The following PTPN2 variants were observed in gnomAD, a reference collection of about 807,000 sequenced individuals.
PTPN2 encodes protein tyrosine phosphatase non-receptor type 2, also known as tyrosine-protein phosphatase non-receptor type 2.
Under a neutral mutation model 57.3 loss-of-function variants are expected in PTPN2, and 19 were observed. The ratio of observed to expected loss-of-function variants is 0.33; its 90% confidence interval spans 0.23 to 0.49. PTPN2 has a LOEUF of 0.49. PTPN2 is among the 20% of genes least tolerant of loss of function. PTPN2 has a pLI of 0.99. For missense variants in PTPN2, 358 were observed against 501.1 expected (o/e 0.71, Z 2.73); for synonymous variants, 153 against 164.9 (o/e 0.93, Z 0.55).
chr18:12,867,633 TCA>T (rs2044039570), intron 1 of PTPN2, among the ~76,000 whole-genome samples: 1 of 150,830 alleles, frequency 6.6e-6, no homozygotes, highest in African/African-American at 2.4e-5. Flanking sequence ...GAGTTTCGCT[TCA>T]GTCTCCTCTG....
At chr18:12,842,094 C>A (rs556850886) in intron 2 of PTPN2, among the ~76,000 whole-genome samples, 2 of 152,014 alleles carry the variant, frequency 1.3e-5, no homozygotes, top group African/African-American at 4.8e-5. Flanking sequence ...TTAGCAGAGA[C>A]GGGGTTTCTC....
At chr18:12,851,973 A>G (rs2145446496) in intron 2 of PTPN2, among the ~76,000 whole-genome samples, 1 of 152,204 alleles carries the variant, frequency 6.6e-6, no homozygotes, top group Non-Finnish European at 1.5e-5. Context: ...ATGATTACAC[A>G]TATATTTAGT....
At chr18:12,810,364 CA>C (rs372346816) in intron 7 of PTPN2, among the ~76,000 whole-genome samples, 14 of 145,648 alleles carry the variant, frequency 9.6e-5, no homozygotes, top group African/African-American at 2.0e-4. Flanking sequence ...AACTCTGTTT[CA>C]AAAAAAAAAG....
chr18:12,877,001 A>G (rs914725948), intron 1 of PTPN2, among the ~76,000 whole-genome samples: 3 of 152,234 alleles, frequency 2.0e-5, no homozygotes, highest in African/African-American at 7.2e-5. Context: ...TGCTGAAACG[A>G]GAATCAGAAG....
chr18:12,874,352 C>T (rs1233756189), intron 1 of PTPN2, among the ~76,000 whole-genome samples: 2 of 130,582 alleles, frequency 1.5e-5, no homozygotes, highest in Non-Finnish European at 3.1e-5. Context: ...AGGTGAGGGG[C>T]GCCTCTGCCC....
At chr18:12,861,051 G>A (rs752575942) in intron 1 of PTPN2, among the ~76,000 whole-genome samples, 2 of 152,008 alleles carry the variant, frequency 1.3e-5, no homozygotes, top group Non-Finnish European at 2.9e-5. Context: ...TTTTGCCCAG[G>A]CTGTTCTCGA....
At chr18:12,873,868 G>A (rs1427606220) in intron 1 of PTPN2, among the ~76,000 whole-genome samples, 1 of 150,684 alleles carries the variant, frequency 6.6e-6, no homozygotes, top group Non-Finnish European at 1.5e-5. Context: ...GCTGCCCATC[G>A]TCTGAGATGT....
intron 8 of PTPN2, among the ~76,000 whole-genome samples, chr18:12,795,379 C>T (rs1427243296): frequency 2.0e-5 from 3 of 152,128 alleles, no homozygotes; most frequent in African/African-American, 4.8e-5. Flanking sequence ...CTGCAACCCC[C>T]GCCTTCCGGG....
At chr18:12,787,716 C>T (rs1209097958), downstream of PTPN2, 1 of 152,084 alleles carries the variant, frequency 6.6e-6, no homozygotes, top group East Asian at 1.9e-4. Context: ...CAAATGGGCT[C>T]CATTTTAGAA....
intron 2 of PTPN2, among the ~76,000 whole-genome samples, chr18:12,853,291 A>T (rs771267108): frequency 2.6e-5 from 4 of 152,134 alleles, no homozygotes; most frequent in Non-Finnish European, 4.4e-5. Flanking sequence ...CTGGGACTAC[A>T]GGCATGCATC....
downstream of PTPN2, among the ~76,000 whole-genome samples, chr18:12,789,382 C>T (rs1241570803): frequency 6.6e-6 from 1 of 152,060 alleles, no homozygotes; most frequent in Non-Finnish European, 1.5e-5. Flanking sequence ...GTTTTTAAAT[C>T]GTGAAAAAAT....
At chr18:12,807,586 A>AATATATATAT (rs1339941310) in intron 7 of PTPN2, among the ~76,000 whole-genome samples, 11 of 35,186 alleles carry the variant, frequency 3.1e-4, no homozygotes, top group South Asian at 2.5e-3. Flanking sequence ...AAAAAAAAAA[A>AATATATATAT]ATATATATAT....
chr18:12,862,582 G>A (rs62097858), intron 1 of PTPN2: 41,320 of 89,432 alleles, frequency 0.46, 6,320 homozygotes, highest in South Asian at 0.68. Flanking sequence ...GGAATAAGCA[G>A]AAACCACTGG....
chr18:12,883,188 G>A (rs973109978), intron 1 of PTPN2, among the ~76,000 whole-genome samples: 3 of 152,188 alleles, frequency 2.0e-5, no homozygotes, highest in African/African-American at 7.2e-5. Flanking sequence ...CTTGCAAGAG[G>A]GGATTCATTT....
chr18:12,786,019 C>T (rs1193369037), intron 9 of PTPN2: 18 of 583,856 alleles, frequency 3.1e-5, no homozygotes, highest in Middle Eastern at 2.6e-4. Flanking sequence ...TAGGGTAAAA[C>T]GGCTGGGGTG....
rs554894723 is a variant in PTPN2, at chr18:12,807,347, C to T, written c.859-5196G>A. Among the ~76,000 whole-genome samples the T allele has an allele frequency of 7.9e-5, 12 of 151,692 alleles. No individual in the cohort carries two copies. The South Asian group carries it at 2.3e-3, about 29-fold the overall frequency. ...ACGGCTGGTGGAATGTAAATTAGTA[C>T]AGCCATCTTGGAAAACAGCATAAAG... On this transcript the variant is annotated intron_variant, in intron 7 of 8. Coordinates refer to ENST00000309660, the MANE Select transcript of PTPN2 (RefSeq NM_002828.4).
chr18:12,831,172 A>G, intron 3 of PTPN2, 131 bp from the exon 4 acceptor site: 1 of 548,014 alleles, frequency 1.8e-6, no homozygotes, highest in Non-Finnish European at 3.4e-6. Context: ...GAAGTAAACC[A>G]AGACTTCCAA....
intron 2 of PTPN2, among the ~76,000 whole-genome samples, chr18:12,852,193 C>CACACAA (rs764680995): frequency 1.6e-5 from 2 of 121,220 alleles, no homozygotes; most frequent in Non-Finnish European, 3.4e-5. Context: ...GGGTTTTTAA[C>CACACAA]ACACACACAC....
At chr18:12,807,586 A>ATATATATATATATATATATATAT in intron 7 of PTPN2, among the ~76,000 whole-genome samples, 1 of 35,200 alleles carries the variant, frequency 2.8e-5, no homozygotes, top group African/African-American at 7.0e-5. Flanking sequence ...AAAAAAAAAA[A>ATATATATATATATATATATATAT]ATATATATAT....
Sources: gnomAD v4.1 joint callset for allele counts (sites outside exome capture counted in the v4.1 genomes callset) on GRCh38, gnomAD v4.1.1 for gene constraint, MANE v1.5 for transcripts, NCBI Gene and HGNC (gene_info 2026-07-23, HGNC 2026-07-21) for gene names.